RASA1: variants seen among roughly 807,000 people sequenced by gnomAD.
RASA1 encodes RAS p21 protein activator 1.
A neutral mutation model predicts 132.2 loss-of-function variants in RASA1; 25 were observed. That is an observed-to-expected ratio of 0.19 (90% CI 0.14 to 0.26). RASA1 has a LOEUF of 0.26. RASA1 is among the 10% of genes least tolerant of loss of function. RASA1 has a pLI of 1.00. For synonymous variants in RASA1, 477 were observed against 449.9 expected, an observed-to-expected ratio of 1.06 and a Z score of -0.76; for missense variants, 964 against 1,299.2, an observed-to-expected ratio of 0.74 and a Z score of 3.97.
rs1458817597 is a variant in RASA1, at chr5:87,377,492, A to G, written c.2344+452A>G. ...ACTACAGGCATATGCCACCACACCC[A>G]GCTAATTTTTTATTTTATTTTTTTA... On this transcript the variant is annotated intron_variant, in intron 17 of 24. Coordinates refer to ENST00000274376, the MANE Select transcript of RASA1 (RefSeq NM_002890.3). Among the ~76,000 whole-genome samples the G allele has an allele frequency of 3.9e-5, 6 of 152,050 alleles. No homozygotes were observed. The East Asian group carries it at 1.2e-3, about 29-fold the overall frequency.
chr5:87,338,112 C>T, intron 5 of RASA1, 21 bp downstream of exon 5: 1 of 1,611,158 alleles, frequency 6.2e-7, no homozygotes, highest in Non-Finnish European at 8.5e-7. Context: ...TTCTTTTCTT[C>T]TCAATTCTAG....
At chr5:87,350,738 G>A (rs1295345967) in intron 8 of RASA1, among the ~76,000 whole-genome samples, 1 of 151,012 alleles carries the variant, frequency 6.6e-6, no homozygotes, top group Non-Finnish European at 1.5e-5. Flanking sequence ...AAAGTTAAAT[G>A]TATGTTAATT....
chr5:87,381,466 C>G (rs1283324072), intron 20 of RASA1, among the ~76,000 whole-genome samples: 1 of 152,206 alleles, frequency 6.6e-6, no homozygotes, highest in East Asian at 1.9e-4. Context: ...TATACACTGT[C>G]ATGTCATGCT....
rs1755166488 is a variant in RASA1 at position 87,297,341 on chromosome 5, TGA to T, written c.539+28352_539+28353del. On this transcript the variant is annotated intron_variant, in intron 1 of 24. Coordinates refer to ENST00000274376, the MANE Select transcript of RASA1 (RefSeq NM_002890.3). The stretch of plus-strand genomic sequence containing the variant: ...GTAATTTTTTATTGAAAGGTATACA[TGA>T]TGTACTAGGTAAAAGGAACTGCTGC... Among the ~76,000 whole-genome samples, 3 of 150,960 alleles carry T rather than the reference TGA, an allele frequency of 2.0e-5. No individual in the cohort carries two copies. In the South Asian group the frequency reaches 6.2e-4, roughly 31 times the overall value.
rs1341143302 is a variant in RASA1, at chr5:87,299,042, C to A, written c.539+30052C>A. 3.3e-5 allele frequency among the ~76,000 whole-genome samples: 5 copies of A among 152,298 alleles called. No homozygotes were observed. The East Asian group carries it at 9.6e-4, about 29-fold the overall frequency. ...AGTGTTCCATTAATGGAACGCTAAG[C>A]ATCTGGGAGTTCTTTATATCCTACT... On this transcript the variant is annotated intron_variant, in intron 1 of 24. Transcript: ENST00000274376.
intron 1 of RASA1, among the ~76,000 whole-genome samples, chr5:87,330,224 TA>T (rs1391682456): frequency 1.4e-4 from 22 of 152,236 alleles, no homozygotes; most frequent in Admixed American, 5.2e-4. Flanking sequence ...GTTTTATTTT[TA>T]AAAATTAAGG....
chr5:87,311,105 A>G (rs1276768420), intron 1 of RASA1, among the ~76,000 whole-genome samples: 7 of 152,224 alleles, frequency 4.6e-5, no homozygotes, highest in African/African-American at 1.7e-4. Flanking sequence ...AAAAATAGTT[A>G]TGCGATTATT....
At position 87,360,124 on chromosome 5, in the gene RASA1, G is replaced by GTTT. The variant is rs755443447; in HGVS notation, c.1333-2412_1333-2410dup. 4.7e-4 allele frequency among the ~76,000 whole-genome samples: 63 copies of GTTT among 132,682 alleles called. No individual in the cohort carries two copies. The Middle Eastern group carries it at 0.011, about 24-fold the overall frequency. The allele number at this position is 132,682 out of a possible 152,430, so 87.0% of individuals were successfully genotyped here. A position where few individuals can be genotyped will look rare whatever the true frequency, so the allele number is the denominator to read the frequency against. ...CTTGTTTTTGTATTATCAAAATGCA[G>GTTT]TTTTTTTTTTTTTTTTTGAGATGGA... On this transcript the variant is annotated intron_variant, in intron 9 of 24. Coordinates refer to ENST00000274376, the MANE Select transcript of RASA1 (RefSeq NM_002890.3).
chr5:87,374,338 A>G lies in RASA1; in HGVS notation c.1934+18A>G. The G allele has an allele frequency of 6.3e-7, 1 of 1,590,248 alleles. No individual in the cohort carries two copies. Among genetic ancestry groups the G allele is most frequent in the Non-Finnish European group, 8.6e-7 (1 of 1,164,706 alleles). ...GTCTTTGAGTAAGTCTTATTTTATC[A>G]TTACATTAATCATTTTCTTTTACCA... On this transcript the variant is annotated intron_variant, in intron 14 of 24. Transcript: ENST00000274376.
At chr5:87,289,616 A>ATT (rs1375202843) in intron 1 of RASA1, among the ~76,000 whole-genome samples, 1 of 151,888 alleles carries the variant, frequency 6.6e-6, no homozygotes, top group East Asian at 1.9e-4. Context: ...TTATTTTATT[A>ATT]TTATTATTTT....
intron 1 of RASA1, among the ~76,000 whole-genome samples, chr5:87,307,462 A>AAACAAC (rs139386250): frequency 1.1e-4 from 17 of 151,078 alleles, no homozygotes; most frequent in Admixed American, 3.3e-4. Flanking sequence ...CTCTGTCTCA[A>AAACAAC]AACAACAACA....
At chr5:87,288,276 AC>A (rs1188643578) in intron 1 of RASA1, among the ~76,000 whole-genome samples, 11 of 151,626 alleles carry the variant, frequency 7.3e-5, no homozygotes, top group Non-Finnish European at 1.6e-4. Flanking sequence ...TGATTATATG[AC>A]AGACTTTCAT....
chr5:87,386,183 A>T (rs1762050686), intron 22 of RASA1, among the ~76,000 whole-genome samples: 1 of 151,914 alleles, frequency 6.6e-6, no homozygotes, highest in Non-Finnish European at 1.5e-5. Flanking sequence ...AGAGACTTTC[A>T]TGTCTTTATC....
Position 87,299,372 on chromosome 5 carries a change from A to G in RASA1, c.539+30382A>G, listed in dbSNP as rs72781795. 2.3e-3 allele frequency among the ~76,000 whole-genome samples: 349 copies of G among 152,302 alleles called. 1 individual carries two copies. The highest frequency in any genetic ancestry group is 3.6e-3 in the Non-Finnish European group (248 of 68,008). On this transcript the variant is annotated intron_variant, in intron 1 of 24. Coordinates refer to ENST00000274376, the MANE Select transcript of RASA1 (RefSeq NM_002890.3). The stretch of plus-strand genomic sequence containing the variant: ...TTTAATGCTTTTAGTGAATCACTAT[A>G]TTGGAAAAGTTAATTTAAGTTCCTC...
chr5:87,309,958 G>A (rs1755797454), intron 1 of RASA1, among the ~76,000 whole-genome samples: 1 of 151,916 alleles, frequency 6.6e-6, no homozygotes, highest in African/African-American at 2.4e-5. Context: ...TCCTTTTTTA[G>A]GATTTATGTT....
At chr5:87,275,048 A>G (rs1014919280) in intron 1 of RASA1, among the ~76,000 whole-genome samples, 2 of 152,184 alleles carry the variant, frequency 1.3e-5, no homozygotes, top group Non-Finnish European at 2.9e-5. Context: ...ATTACTGGCA[A>G]AGCTAAAAAG....
intron 1 of RASA1, among the ~76,000 whole-genome samples, chr5:87,313,979 C>A (rs1580235322): frequency 6.6e-6 from 1 of 151,668 alleles, no homozygotes. Flanking sequence ...ACTACCCTGA[C>A]CAACATGGAG....
chr5:87,298,284 C>T (rs1197707974), intron 1 of RASA1, among the ~76,000 whole-genome samples: 1 of 151,826 alleles, frequency 6.6e-6, no homozygotes, highest in African/African-American at 2.4e-5. Context: ...TGGCGGGTGC[C>T]TGTAGTCCCA....
chr5:87,336,955 A>G (rs879886474), intron 4 of RASA1, among the ~76,000 whole-genome samples: 2 of 152,122 alleles, frequency 1.3e-5, no homozygotes, highest in African/African-American at 2.4e-5. Flanking sequence ...TGTCCAAGAT[A>G]CAATGAAGCT....
Sources: gnomAD v4.1 joint callset for allele counts (sites outside exome capture counted in the v4.1 genomes callset) on GRCh38, gnomAD v4.1.1 for gene constraint, MANE v1.5 for transcripts, NCBI Gene and HGNC (gene_info 2026-07-23, HGNC 2026-07-21) for gene names.